The following LARGE1 variants were observed in gnomAD, a reference collection of about 807,000 sequenced individuals.
LARGE1 encodes the protein LARGE xylosyl- and glucuronyltransferase 1.
LARGE1 carries 43 observed loss-of-function variants against 87.6 expected under a neutral mutation model. The observed-to-expected ratio is 0.49, with a 90% CI of 0.38 to 0.63. The LOEUF is 0.63. LARGE1 is among the 30% of genes least tolerant of loss of function. The probability of loss-of-function intolerance (pLI) is 0.00; values close to 1 mark genes in which losing one functional copy is unlikely to be tolerated. For missense variants in LARGE1, 802 were observed against 1,000.2 expected, an observed-to-expected ratio of 0.80 and a Z score of 2.67; for synonymous variants, 434 against 394.6, an observed-to-expected ratio of 1.10 and a Z score of -1.18.
At chr22:33,656,086 C>CGTGT (rs2080952425) in intron 2 of LARGE1, among the ~76,000 whole-genome samples, 1 of 144,682 alleles carries the variant, frequency 6.9e-6, no homozygotes, top group South Asian at 2.1e-4. Flanking sequence ...TGTGTGTGTA[C>CGTGT]ACACACAAAT....
At chr22:33,729,787 T>G (rs1358792379) in intron 2 of LARGE1, among the ~76,000 whole-genome samples, 1 of 152,228 alleles carries the variant, frequency 6.6e-6, no homozygotes, top group African/African-American at 2.4e-5. Context: ...GATCTTTATC[T>G]CTGCTTCCTG....
chr22:33,226,159 A>G (rs1159369800), intron 11 of LARGE1, among the ~76,000 whole-genome samples: 3 of 152,172 alleles, frequency 2.0e-5, no homozygotes, highest in African/African-American at 7.2e-5. Context: ...ATTTCCAAAG[A>G]CTGCTTTATG....
chr22:33,261,097 CGTGTACCAGCACCCCTTCGTGCTCGCCT>C (rs1927600958), intron 11 of LARGE1, among the ~76,000 whole-genome samples: 1 of 152,294 alleles, frequency 6.6e-6, no homozygotes, highest in South Asian at 2.1e-4. Context: ...ATTCAGCATG[CGTGTACCAGCACCCCTTCGTGCTCGCCT>C]GTGTGCCAAA....
At chr22:33,067,890 G>T in the LARGE1 span, among the ~76,000 whole-genome samples, 21 of 152,156 alleles carry the variant, frequency 1.4e-4, no homozygotes, top group South Asian at 2.1e-3. Context: ...TGAGGCAGGA[G>T]AATCGGTTGA....
intron 12 of LARGE1, among the ~76,000 whole-genome samples, chr22:33,295,580 C>T (rs933883211): frequency 1.3e-5 from 2 of 152,210 alleles, no homozygotes; most frequent in Non-Finnish European, 2.9e-5. Flanking sequence ...GCCACCTGTG[C>T]TGCTCACTCT....
intron 6 of LARGE1, among the ~76,000 whole-genome samples, chr22:33,437,422 C>T (rs2067309836): frequency 6.6e-6 from 1 of 152,212 alleles, no homozygotes; most frequent in Admixed American, 6.5e-5. Flanking sequence ...TCTGTGCTTG[C>T]TTCTTCATTC....
the LARGE1 span, among the ~76,000 whole-genome samples, chr22:33,108,128 A>C: frequency 4.6e-5 from 7 of 152,176 alleles, no homozygotes; most frequent in African/African-American, 1.7e-4. Context: ...GTGCCGTTGT[A>C]ACTATAACTG....
chr22:33,476,965 C>A (rs1045850635), intron 6 of LARGE1, among the ~76,000 whole-genome samples: 3 of 152,136 alleles, frequency 2.0e-5, no homozygotes, highest in African/African-American at 7.2e-5. Flanking sequence ...TTGCTGGAAT[C>A]GAAGGACAGT....
At chr22:33,419,801 G>A (rs1339571408) in intron 7 of LARGE1, among the ~76,000 whole-genome samples, 1 of 151,966 alleles carries the variant, frequency 6.6e-6, no homozygotes, top group Non-Finnish European at 1.5e-5. Flanking sequence ...AGCGATTCTC[G>A]TGCCTCAGCC....
Position 33,906,145 on chromosome 22 carries a change from GATTA to G in LARGE1, c.-83+13846_-83+13849del, listed in dbSNP as rs1435200730. Among the ~76,000 whole-genome samples, 14 of 151,758 alleles carry G rather than the reference GATTA, an allele frequency of 9.2e-5. No homozygotes were observed. The East Asian group carries it at 2.1e-3, about 23-fold the overall frequency. On this transcript the variant is annotated intron_variant, in intron 1 of 14. Transcript: ENST00000397394. ...ACTCTGTCTCAAAAATAAATAAATT[GATTA>G]ATTAAATAAAAATAAAAATAAACAA... is the stretch of plus-strand genomic sequence containing the variant.
chr22:33,527,005 G>A (rs997502895), intron 6 of LARGE1, among the ~76,000 whole-genome samples: 1 of 152,166 alleles, frequency 6.6e-6, no homozygotes, highest in Non-Finnish European at 1.5e-5. Context: ...GCCTGTAATC[G>A]CAGCACTTTG....
chr22:33,246,668 T>C (rs991805851), intron 11 of LARGE1, among the ~76,000 whole-genome samples: 10 of 152,100 alleles, frequency 6.6e-5, no homozygotes, highest in African/African-American at 1.9e-4. Context: ...ATAACAACTT[T>C]TAAAAACTGA....
At chr22:33,239,663 C>T (rs569066399) in intron 11 of LARGE1, among the ~76,000 whole-genome samples, 9 of 151,422 alleles carry the variant, frequency 5.9e-5, no homozygotes, top group African/African-American at 9.7e-5. Flanking sequence ...CTCGGCCTCC[C>T]GAGTAGCTGG....
At chr22:33,628,918 C>T (rs1430938994) in intron 3 of LARGE1, among the ~76,000 whole-genome samples, 1 of 152,050 alleles carries the variant, frequency 6.6e-6, no homozygotes, top group East Asian at 1.9e-4. Flanking sequence ...GCTCAGCATC[C>T]CACAATGCAC....
At chr22:33,170,900 TCAGAAGAAGA>T (rs1922535197) in intron 11 of LARGE1, among the ~76,000 whole-genome samples, 1 of 152,144 alleles carries the variant, frequency 6.6e-6, no homozygotes, top group South Asian at 2.1e-4. Context: ...TTAGGAGGGC[TCAGAAGAAGA>T]CAGGAAGATG....
the LARGE1 span, among the ~76,000 whole-genome samples, chr22:33,135,015 C>A: frequency 1.3e-5 from 2 of 152,188 alleles, no homozygotes; most frequent in African/African-American, 4.8e-5. Context: ...GCAGCAAAAA[C>A]TTTAGCAGGA....
the LARGE1 span, among the ~76,000 whole-genome samples, chr22:33,083,479 T>C: frequency 7.2e-5 from 11 of 152,326 alleles, no homozygotes; most frequent in Middle Eastern, 3.4e-3. Flanking sequence ...TGTGATTATT[T>C]GTTCAAAAGT....
chr22:33,689,397 C>T (rs2082033038), intron 2 of LARGE1, among the ~76,000 whole-genome samples: 3 of 152,060 alleles, frequency 2.0e-5, no homozygotes, highest in African/African-American at 7.2e-5. Context: ...TGGCCAATAT[C>T]GTGACAGATA....
intron 11 of LARGE1, among the ~76,000 whole-genome samples, chr22:33,197,840 T>A (rs1924157353): frequency 6.6e-6 from 1 of 151,988 alleles, no homozygotes; most frequent in African/African-American, 2.4e-5. Flanking sequence ...AATTAAAAAA[T>A]AAGTGGTAGA....
Sources: allele counts gnomAD v4.1 joint callset (sites outside exome capture counted in the v4.1 genomes callset), GRCh38; gene constraint gnomAD v4.1.1; transcripts MANE v1.5; gene names NCBI Gene and HGNC (gene_info 2026-07-23, HGNC 2026-07-21).